Variants in TSNARE1 observed in about 807,000 individuals in gnomAD.
The protein encoded by TSNARE1 is t-SNARE domain containing 1.
A neutral mutation model predicts 62.0 loss-of-function variants in TSNARE1; 49 were observed. That is an observed-to-expected ratio of 0.79 (90% confidence interval 0.63 to 1.00). The LOEUF (loss-of-function observed/expected upper bound fraction) is 1.00. TSNARE1 is among the 50% of genes least tolerant of loss of function. The pLI, the probability that TSNARE1 is intolerant of heterozygous loss-of-function variation, is 0.00. For missense variants in TSNARE1, 755 were observed against 700.1 expected, an observed-to-expected ratio of 1.08 and a Z score of -0.88; for synonymous variants, 328 against 294.4, an observed-to-expected ratio of 1.11 and a Z score of -1.17.
intron 9 of TSNARE1, among the ~76,000 whole-genome samples, chr8:142,313,514 C>T (rs1563890536): frequency 6.7e-6 from 1 of 150,160 alleles, no homozygotes; most frequent in African/African-American, 2.5e-5. Flanking sequence ...CATGTGTCTA[C>T]ATGTCTGTGT....
intron 9 of TSNARE1, among the ~76,000 whole-genome samples, chr8:142,302,199 C>A: frequency 3.3e-5 from 5 of 152,084 alleles, no homozygotes; most frequent in Admixed American, 3.3e-4. Context: ...AGACCCATGG[C>A]GCCCTCAGCC....
intron 10 of TSNARE1, among the ~76,000 whole-genome samples, chr8:142,298,048 A>AC (rs965961719): frequency 6.6e-6 from 1 of 151,628 alleles, no homozygotes; most frequent in African/African-American, 2.4e-5. Context: ...CCCCCCTGCT[A>AC]CCCCCCGTCC....
intron 1 of TSNARE1, among the ~76,000 whole-genome samples, chr8:142,358,553 C>A (rs947359065): frequency 6.6e-6 from 1 of 152,102 alleles, no homozygotes; most frequent in African/African-American, 2.4e-5. Context: ...ACCACCTGAC[C>A]AAACTCACAA....
chr8:142,338,195 G>A (rs1040186836), intron 4 of TSNARE1, among the ~76,000 whole-genome samples: 10 of 152,342 alleles, frequency 6.6e-5, no homozygotes, highest in East Asian at 5.8e-4. Flanking sequence ...GCCAAAAGGC[G>A]GCAGGCACGC....
At chr8:142,334,911 G>C (rs1430897450) in intron 4 of TSNARE1, among the ~76,000 whole-genome samples, 1 of 152,260 alleles carries the variant, frequency 6.6e-6, no homozygotes. Context: ...GTTCCAACCA[G>C]ATGTGAAGTA....
intron 12 of TSNARE1, among the ~76,000 whole-genome samples, chr8:142,269,227 C>T (rs144808418): frequency 1.3e-5 from 2 of 152,268 alleles, no homozygotes; most frequent in East Asian, 3.9e-4. Flanking sequence ...GAATCAGGGC[C>T]AAGTCTGTCA....
At chr8:142,252,773 G>A (rs1190526208) in intron 12 of TSNARE1, among the ~76,000 whole-genome samples, 6 of 152,182 alleles carry the variant, frequency 3.9e-5, no homozygotes, top group African/African-American at 4.8e-5. Context: ...GCATGCTGCC[G>A]TGGTGACCTC....
intron 2 of TSNARE1, among the ~76,000 whole-genome samples, chr8:142,352,556 GCA>G (rs1465179264): frequency 6.6e-6 from 1 of 152,262 alleles, no homozygotes; most frequent in African/African-American, 2.4e-5. Context: ...TGCGGAACAC[GCA>G]CAGACGCCGC....
In TSNARE1 at chr8:142,283,888, T is replaced by G. The variant is rs1045131268; in HGVS notation, c.1363+525A>C. The stretch of plus-strand genomic sequence containing the variant: ...CGAGCAGAGGCAGGGACAGTGTCAA[T>G]GAACAGAGGCGGGGCCAGTGTCTGT... On this transcript the variant is annotated intron_variant, in intron 11 of 13. Coordinates refer to ENST00000524325, the MANE Select transcript of TSNARE1 (RefSeq NM_145003.5). Among the ~76,000 whole-genome samples, 12 of 141,286 alleles carry G rather than the reference T, an allele frequency of 8.5e-5. 3 individuals carry two copies. The highest frequency in any genetic ancestry group is 1.6e-4 in the Non-Finnish European group (10 of 62,860). The allele number at this position is 141,286 out of a possible 152,430, so 92.7% of individuals were successfully genotyped here.
At chr8:142,231,236 G>A (rs1206399906) in intron 12 of TSNARE1, among the ~76,000 whole-genome samples, 1 of 152,170 alleles carries the variant, frequency 6.6e-6, no homozygotes, top group African/African-American at 2.4e-5. Context: ...CCCAGCCTTG[G>A]GAAACACATT....
rs1827716150 is a variant in TSNARE1 at position 142,312,200 on chromosome 8, G to C, written c.1131+2184C>G. Among the ~76,000 whole-genome samples, 6 of 152,200 alleles carry C rather than the reference G, an allele frequency of 3.9e-5. No homozygotes were observed. In the South Asian group the frequency reaches 1.2e-3, roughly 32 times the overall value. On this transcript the variant is annotated intron_variant, in intron 9 of 13. Coordinates refer to ENST00000524325, the MANE Select transcript of TSNARE1 (RefSeq NM_145003.5). ...GGCTCAACAAGTTTCAGATTTTGGAGCATTTTGGATTTTGGAGTTTTAACT... is the reference window on the plus strand; with the variant it reads ...GGCTCAACAAGTTTCAGATTTTGGACCATTTTGGATTTTGGAGTTTTAACT...
At chr8:142,320,363 TC>T (rs1466100444) in intron 6 of TSNARE1, among the ~76,000 whole-genome samples, 4 of 140,622 alleles carry the variant, frequency 2.8e-5, no homozygotes, top group African/African-American at 1.1e-4. Context: ...ACCTCTGACT[TC>T]ACCTCCCCAC....
At chr8:142,286,476 C>T (rs1468171942) in intron 10 of TSNARE1, among the ~76,000 whole-genome samples, 1 of 152,214 alleles carries the variant, frequency 6.6e-6, no homozygotes, top group East Asian at 1.9e-4. Context: ...CAGGCGGTCC[C>T]TCTGCAGGAA....
intron 12 of TSNARE1, chr8:142,269,539 G>C (rs1042440688): frequency 1.0e-6 from 1 of 984,220 alleles, no homozygotes; most frequent in South Asian, 4.7e-5. Context: ...ATGCTGTCCA[G>C]GCTGGTCTCG....
intron 4 of TSNARE1, among the ~76,000 whole-genome samples, chr8:142,340,768 C>CT: frequency 6.6e-6 from 1 of 152,330 alleles, no homozygotes; most frequent in East Asian, 1.9e-4. Context: ...CTCTCTAGCC[C>CT]TTTGCCTCAG....
At chr8:142,309,421 A>C (rs184592007) in intron 9 of TSNARE1, among the ~76,000 whole-genome samples, 58 of 152,336 alleles carry the variant, frequency 3.8e-4, no homozygotes, top group African/African-American at 1.3e-3. Context: ...GGCAGATTAA[A>C]GGCACTCCTA....
intron 11 of TSNARE1, chr8:142,280,036 C>T (rs1188046932): frequency 1.1e-5 from 14 of 1,229,264 alleles, no homozygotes; most frequent in East Asian, 7.5e-5. Flanking sequence ...CCCCAGGTCG[C>T]GGCGGCAGTA....
intron 12 of TSNARE1, among the ~76,000 whole-genome samples, chr8:142,242,735 G>A (rs577275324): frequency 1.3e-5 from 2 of 152,292 alleles, no homozygotes; most frequent in African/African-American, 2.4e-5. Flanking sequence ...GCCAAGGCGG[G>A]TGGATCACCT....
In TSNARE1 at chr8:142,223,271, T is replaced by TAC. The variant is rs1554624403; in HGVS notation, c.*11+6201_*11+6202insGT. The stretch of plus-strand genomic sequence containing the variant: ...ACTCACTCATTCACTCACTCACTCA[T>TAC]TCAGTCACTCACTCATACTCACTCA... On this transcript the variant is annotated intron_variant, in intron 13 of 13. Coordinates refer to ENST00000524325, the MANE Select transcript of TSNARE1 (RefSeq NM_145003.5). 1.6e-3 allele frequency among the ~76,000 whole-genome samples: 90 copies of TAC among 56,346 alleles called. 1 individual carries two copies. Among genetic ancestry groups the TAC allele is most frequent in the African/African-American group, 2.1e-3 (37 of 17,718 alleles). The allele number at this position is 56,346 out of a possible 152,430, so 37.0% of individuals were successfully genotyped here.
Sources: allele counts gnomAD v4.1 joint callset (sites outside exome capture counted in the v4.1 genomes callset), GRCh38; gene constraint gnomAD v4.1.1; transcripts MANE v1.5; gene names NCBI Gene and HGNC (gene_info 2026-07-23, HGNC 2026-07-21).